The following ARHGAP26 variants were observed in gnomAD, a reference collection of about 807,000 sequenced individuals.
The protein encoded by ARHGAP26 is Rho GTPase activating protein 26, also known as rho GTPase-activating protein 26.
Under a neutral mutation model 104.8 loss-of-function variants are expected in ARHGAP26, and 38 were observed. The observed-to-expected ratio is 0.36, with a 90% CI of 0.28 to 0.48. The LOEUF (loss-of-function observed/expected upper bound fraction) is 0.48, where lower values mean the gene tolerates loss of function less well. Ranked by LOEUF, ARHGAP26 falls within the 20% of genes least tolerant of loss-of-function variation. The pLI is 0.99. For missense variants in ARHGAP26, 704 were observed against 947.9 expected (o/e 0.74, Z 3.38); for synonymous variants, 341 against 340.0 (o/e 1.00, Z -0.03).
At chr5:143,079,265 A>AT (rs1394980959) in intron 17 of ARHGAP26, among the ~76,000 whole-genome samples, 4 of 152,106 alleles carry the variant, frequency 2.6e-5, no homozygotes, top group Admixed American at 6.5e-5. Context: ...CCTATGAAAC[A>AT]TTATTTTTCT....
At chr5:143,018,914 G>A (rs1779937085) in intron 12 of ARHGAP26, among the ~76,000 whole-genome samples, 1 of 152,110 alleles carries the variant, frequency 6.6e-6, no homozygotes, top group Non-Finnish European at 1.5e-5. Flanking sequence ...CAGGTTATTT[G>A]GAGAAAGTTG....
At chr5:143,047,473 A>G (rs982917937) in intron 14 of ARHGAP26, among the ~76,000 whole-genome samples, 2 of 152,136 alleles carry the variant, frequency 1.3e-5, no homozygotes, top group African/African-American at 4.8e-5. Context: ...TGCATCTCTA[A>G]TTATTTCCTC....
chr5:142,903,236 G>C (rs1462039668), intron 7 of ARHGAP26, among the ~76,000 whole-genome samples: 1 of 152,172 alleles, frequency 6.6e-6, no homozygotes, highest in Non-Finnish European at 1.5e-5. Flanking sequence ...CACCTGGGAG[G>C]CTTATCGTAA....
intron 20 of ARHGAP26, among the ~76,000 whole-genome samples, chr5:143,203,943 A>G (rs1301579572): frequency 6.6e-6 from 1 of 152,132 alleles, no homozygotes; most frequent in Non-Finnish European, 1.5e-5. Context: ...GGGGAGGGAT[A>G]GCATTAGGAG....
chr5:142,800,530 T>C (rs1458308534), intron 1 of ARHGAP26, among the ~76,000 whole-genome samples: 1 of 152,020 alleles, frequency 6.6e-6, no homozygotes, highest in African/African-American at 2.4e-5. Context: ...GCTCAGCTAA[T>C]TTTTGTATTT....
chr5:143,082,470 G>A (rs1018954149), intron 17 of ARHGAP26, among the ~76,000 whole-genome samples: 1 of 152,206 alleles, frequency 6.6e-6, no homozygotes, highest in African/African-American at 2.4e-5. Context: ...TTGAAAACCT[G>A]TTATATGTCA....
chr5:143,215,343 A>G (rs1370315300), intron 22 of ARHGAP26, among the ~76,000 whole-genome samples: 2 of 152,220 alleles, frequency 1.3e-5, no homozygotes, highest in Non-Finnish European at 2.9e-5. Context: ...CTCTGACAAC[A>G]CAAAGGACTC....
intron 19 of ARHGAP26, among the ~76,000 whole-genome samples, chr5:143,135,245 C>T (rs560750372): frequency 3.3e-4 from 51 of 152,258 alleles, no homozygotes; most frequent in African/African-American, 1.2e-3. Context: ...ATCTCAGGGC[C>T]CCATTCTCCT....
intron 11 of ARHGAP26, among the ~76,000 whole-genome samples, chr5:142,961,336 C>G (rs1770197942): frequency 6.6e-6 from 1 of 151,706 alleles, no homozygotes; most frequent in Non-Finnish European, 1.5e-5. Context: ...ACAAAAAATA[C>G]AAAAAACTAG....
intron 1 of ARHGAP26, among the ~76,000 whole-genome samples, chr5:142,845,216 A>G (rs963054745): frequency 1.3e-5 from 2 of 152,210 alleles, no homozygotes; most frequent in Non-Finnish European, 2.9e-5. Flanking sequence ...CTGGGATTTT[A>G]GGAAGAACCA....
intron 11 of ARHGAP26, among the ~76,000 whole-genome samples, chr5:142,966,541 T>G (rs1771368407): frequency 6.6e-6 from 1 of 152,172 alleles, no homozygotes; most frequent in Admixed American, 6.5e-5. Flanking sequence ...GTGTTGATTG[T>G]AGGTGCATTT....
chr5:143,007,256 C>T (rs1356576880), intron 11 of ARHGAP26, among the ~76,000 whole-genome samples: 1 of 149,684 alleles, frequency 6.7e-6, no homozygotes, highest in Non-Finnish European at 1.5e-5. Flanking sequence ...GCCGAGCATT[C>T]TAATGTGTTC....
chr5:143,123,678 C>A (rs1293490054), intron 18 of ARHGAP26, among the ~76,000 whole-genome samples: 1 of 152,010 alleles, frequency 6.6e-6, no homozygotes, highest in Non-Finnish European at 1.5e-5. Context: ...ATAGCAAGAC[C>A]CCCATCTCTA....
In ARHGAP26 at chr5:143,093,526, TTC is replaced by T. The variant is rs1243672918; in HGVS notation, c.1539-27460_1539-27459del. Among the ~76,000 whole-genome samples the T allele has an allele frequency of 9.2e-5, 14 of 152,210 alleles. No homozygotes were observed. The South Asian group carries it at 2.5e-3, about 27-fold the overall frequency. Reference sequence around the variant, plus strand: ...TCTCTCTTTCTTTCTCTCTTTGACTTTCTGTCTCTTTCTCTCTTTGACTCCCT... The same window carrying T: ...TCTCTCTTTCTTTCTCTCTTTGACTTTGTCTCTTTCTCTCTTTGACTCCCT... On this transcript the variant is annotated intron_variant, in intron 17 of 22. Coordinates refer to ENST00000645722, the MANE Select transcript of ARHGAP26 (RefSeq NM_001135608.3).
At chr5:142,851,791 C>G in intron 1 of ARHGAP26, among the ~76,000 whole-genome samples, 1 of 152,230 alleles carries the variant, frequency 6.6e-6, no homozygotes, top group East Asian at 1.9e-4. Context: ...ACCTGGTGCT[C>G]TTTCGGCATG....
At chr5:142,877,921 A>G (rs2152379538) in intron 3 of ARHGAP26, among the ~76,000 whole-genome samples, 1 of 152,376 alleles carries the variant, frequency 6.6e-6, no homozygotes. Context: ...AGAAGACTTC[A>G]GTGAACCAAT....
At chr5:142,977,951 C>G (rs1773362246) in intron 11 of ARHGAP26, among the ~76,000 whole-genome samples, 1 of 152,148 alleles carries the variant, frequency 6.6e-6, no homozygotes, top group Non-Finnish European at 1.5e-5. Context: ...TTTCATCAGC[C>G]CATGGCTGGG....
At chr5:142,928,219 T>TG (rs1562096415) in intron 10 of ARHGAP26, among the ~76,000 whole-genome samples, 7 of 147,470 alleles carry the variant, frequency 4.7e-5, no homozygotes, top group East Asian at 2.0e-4. Context: ...TTAGGACTTT[T>TG]TGTGTGTGTG....
chr5:143,094,596 G>A (rs969310390), intron 17 of ARHGAP26, among the ~76,000 whole-genome samples: 1 of 152,254 alleles, frequency 6.6e-6, no homozygotes, highest in African/African-American at 2.4e-5. Context: ...TGGTACCTCT[G>A]TATAGAAGGA....
Sources: gnomAD v4.1 joint callset for allele counts (sites outside exome capture counted in the v4.1 genomes callset) on GRCh38, gnomAD v4.1.1 for gene constraint, MANE v1.5 for transcripts, NCBI Gene and HGNC (gene_info 2026-07-23, HGNC 2026-07-21) for gene names.